ZEB2: variants seen among roughly 807,000 people sequenced by gnomAD.
ZEB2 encodes the protein zinc finger E-box binding homeobox 2, also known as zinc finger E-box-binding homeobox 2.
A neutral mutation model predicts 99.9 loss-of-function variants in ZEB2; 6 were observed. The observed-to-expected ratio is 0.06, with a 90% CI of 0.03 to 0.12. ZEB2 has a LOEUF of 0.12. Ranked by LOEUF, ZEB2 falls within the 10% of genes least tolerant of loss-of-function variation. The probability of loss-of-function intolerance (pLI) is 1.00; values close to 1 mark genes in which losing one functional copy is unlikely to be tolerated. For synonymous variants in ZEB2, 517 were observed against 542.5 expected, an observed-to-expected ratio of 0.95 and a Z score of 0.65; for missense variants, 969 against 1,502.8, an observed-to-expected ratio of 0.64 and a Z score of 5.87.
chr2:144,411,068 T>TAC (rs1486226921), intron 4 of ZEB2, among the ~76,000 whole-genome samples: 2 of 99,512 alleles, frequency 2.0e-5, no homozygotes, highest in African/African-American at 7.0e-5. Context: ...TATATATATA[T>TAC]ATATATATAT....
intron 2 of ZEB2, chr2:144,512,493 A>G: frequency 7.8e-7 from 1 of 1,287,242 alleles, no homozygotes. Context: ...AAGCAAATTA[A>G]GAAGGAAGGG....
intron 4 of ZEB2, among the ~76,000 whole-genome samples, chr2:144,414,122 T>C (rs771410826): frequency 3.3e-5 from 5 of 152,186 alleles, no homozygotes; most frequent in Admixed American, 6.5e-5. Context: ...ATCTGGATCT[T>C]TACTTGGGGT....
intron 2 of ZEB2, among the ~76,000 whole-genome samples, chr2:144,458,542 T>A (rs1429015852): frequency 6.6e-6 from 1 of 152,110 alleles, no homozygotes; most frequent in Non-Finnish European, 1.5e-5. Context: ...TTAAAAAAAT[T>A]ACCATTTTGT....
intron 2 of ZEB2, among the ~76,000 whole-genome samples, chr2:144,508,655 G>C (rs1201402030): frequency 6.6e-6 from 1 of 151,706 alleles, no homozygotes; most frequent in East Asian, 2.0e-4. Flanking sequence ...GTTGGTAACG[G>C]CCAGCCTGAG....
intron 2 of ZEB2, chr2:144,512,423 T>C (rs1297354192): frequency 2.3e-6 from 3 of 1,287,248 alleles, no homozygotes; most frequent in South Asian, 2.5e-5. Flanking sequence ...CATACATTTT[T>C]CCCAGGAAAT....
chr2:144,492,517 T>C (rs1342359663), intron 2 of ZEB2, among the ~76,000 whole-genome samples: 1 of 152,152 alleles, frequency 6.6e-6, no homozygotes, highest in Admixed American at 6.5e-5. Context: ...GAGATGCAGT[T>C]AGACTGAACA....
chr2:144,401,290 T>C lies in ZEB2; in HGVS notation c.825A>G (p.Gln275=). 1 of 1,614,148 alleles carries C rather than the reference T, an allele frequency of 6.2e-7. No individual in the cohort carries two copies. Among genetic ancestry groups the C allele is most frequent in the Non-Finnish European group, 8.5e-7 (1 of 1,179,970 alleles). Residue 275 remains glutamine (Q), a synonymous_variant, in exon 7 of 10, where the codon CAA becomes CAG. Coordinates refer to ENST00000627532, the MANE Select transcript of ZEB2 (RefSeq NM_014795.4). ...ATTTGAACTTGCGATTACCTGCTCCTTGGGTTAGCATTTGGTGCTATAAAA... is the reference window on the plus strand; with the variant it reads ...ATTTGAACTTGCGATTACCTGCTCCCTGGGTTAGCATTTGGTGCTATAAAA... ...PGTDQHQMLT[Q]GAGNRKFKCT... is the part of the protein sequence containing the mutation.
intron 2 of ZEB2, among the ~76,000 whole-genome samples, chr2:144,505,859 C>T (rs1432142468): frequency 6.6e-6 from 1 of 152,254 alleles, no homozygotes; most frequent in Non-Finnish European, 1.5e-5. Context: ...TCTAAGTGTT[C>T]GGTATGGTTT....
Position 144,398,576 on chromosome 2 carries a change from T to C in ZEB2, c.2611A>G (p.Asn871Asp). 1 of 1,614,184 alleles carries C rather than the reference T, an allele frequency of 6.2e-7. No homozygotes were observed. Among genetic ancestry groups the C allele is most frequent in the Non-Finnish European group, 8.5e-7 (1 of 1,180,024 alleles). ...NLTFIKKEFSNSNNLDNKSTN... is the reference protein window; with the variant it reads ...NLTFIKKEFSDSNNLDNKSTN... The stretch of plus-strand genomic sequence containing the variant: ...CTTTTGTTGTCCAGATTATTTGAAT[T>C]TGAAAATTCCTTCTTGATAAAAGTC... The change falls in exon 8 of 10, where the codon AAT (asparagine) becomes GAT (aspartate). Residue 871 changes from asparagine (N) to aspartate (D), a missense_variant. Physicochemically the swap from Asn to Asp is conservative, Grantham distance 23 (BLOSUM62 1). Coordinates refer to ENST00000627532, the MANE Select transcript of ZEB2 (RefSeq NM_014795.4).
At chr2:144,513,326 C>G (rs1402321093) in intron 2 of ZEB2, 1 of 1,299,706 alleles carries the variant, frequency 7.7e-7, no homozygotes, top group Admixed American at 2.3e-5. Context: ...TGAGAACATT[C>G]AACTTGATCC....
intron 2 of ZEB2, among the ~76,000 whole-genome samples, chr2:144,452,750 T>A (rs543752843): frequency 3.3e-3 from 497 of 152,260 alleles, no homozygotes; most frequent in Non-Finnish European, 5.2e-3. Flanking sequence ...TCTCGGTATT[T>A]AATCTGACAC....
At chr2:144,509,894 A>G (rs922836032) in intron 2 of ZEB2, among the ~76,000 whole-genome samples, 1 of 152,194 alleles carries the variant, frequency 6.6e-6, no homozygotes, top group Non-Finnish European at 1.5e-5. Flanking sequence ...GGGTTTAAAC[A>G]GTTCCCAGGA....
intron 2 of ZEB2, among the ~76,000 whole-genome samples, chr2:144,480,954 T>C (rs528434221): frequency 6.6e-6 from 1 of 152,300 alleles, no homozygotes; most frequent in East Asian, 1.9e-4. Flanking sequence ...CTTTTGAGAA[T>C]TTTTGTATCT....
rs1705187967 is a variant in ZEB2 at position 144,517,832 on chromosome 2, C to T, written c.-69-413G>A. On this transcript the variant is annotated intron_variant, in intron 1 of 9. Transcript: ENST00000627532. ...TTTCGTTCTCATCTTTTCTCATCCC[C>T]CCACCCCCCAATTCCCAGAGGAAAC... 9 of 586,880 alleles carry T rather than the reference C, an allele frequency of 1.5e-5. No individual in the cohort carries two copies. In the East Asian group the frequency reaches 2.7e-4, roughly 17 times the overall value. 36.4% of individuals were successfully genotyped at this position (586,880 alleles called of 1,614,324 possible).
chr2:144,458,551 G>A (rs948765203), intron 2 of ZEB2, among the ~76,000 whole-genome samples: 14 of 151,964 alleles, frequency 9.2e-5, no homozygotes, highest in African/African-American at 3.4e-4. Context: ...TTACCATTTT[G>A]TAATTTTGTT....
intron 2 of ZEB2, among the ~76,000 whole-genome samples, chr2:144,500,694 GT>G (rs1158640570): frequency 1.3e-5 from 2 of 152,096 alleles, no homozygotes; most frequent in African/African-American, 4.8e-5. Context: ...GAAACCCTTG[GT>G]TTCAATCTGA....
chr2:144,504,199 C>G (rs1436348728), intron 2 of ZEB2: 1 of 151,988 alleles, frequency 6.6e-6, no homozygotes, highest in Non-Finnish European at 1.5e-5. Flanking sequence ...AACTTTCCTT[C>G]CGTTTAATTA....
At chr2:144,512,088 G>GGTAC (rs1477602082) in intron 2 of ZEB2, 1 of 1,287,008 alleles carries the variant, frequency 7.8e-7, no homozygotes, top group East Asian at 5.5e-5. Flanking sequence ...GGGAATGAAT[G>GGTAC]GTACAGTGGA....
At chr2:144,512,808 G>A (rs76072181) in intron 2 of ZEB2, 39,180 of 1,287,018 alleles carry the variant, frequency 0.03, 732 homozygotes, top group South Asian at 0.051. Context: ...TGTGTGCAGC[G>A]TGACAAAACT....
Sources: gnomAD v4.1 joint callset for allele counts (sites outside exome capture counted in the v4.1 genomes callset) on GRCh38, gnomAD v4.1.1 for gene constraint, MANE v1.5 for transcripts, NCBI Gene and HGNC (gene_info 2026-07-23, HGNC 2026-07-21) for gene names.